Variants in DENND4C observed in about 807,000 individuals in gnomAD.
DENND4C encodes DENN domain-containing protein 4C.
A neutral mutation model predicts 203.0 loss-of-function variants in DENND4C; 108 were observed. That is an observed-to-expected ratio of 0.53 (90% CI 0.46 to 0.62). The LOEUF (loss-of-function observed/expected upper bound fraction) is 0.62, where lower values mean the gene tolerates loss of function less well. DENND4C is among the 20% of genes least tolerant of loss of function. The pLI is 0.00. For synonymous variants in DENND4C, 871 were observed against 792.4 expected, an observed-to-expected ratio of 1.10 and a Z score of -1.67; for missense variants, 2,481 against 2,301.2, an observed-to-expected ratio of 1.08 and a Z score of -1.60.
At chr9:19,257,959 G>T (rs1249451655) in intron 1 of DENND4C, among the ~76,000 whole-genome samples, 1 of 152,010 alleles carries the variant, frequency 6.6e-6, no homozygotes, top group Non-Finnish European at 1.5e-5. Flanking sequence ...CTCATCTCCA[G>T]AAAAATAAAT....
intron 30 of DENND4C, among the ~76,000 whole-genome samples, chr9:19,363,938 C>T (rs1196081323): frequency 9.2e-5 from 14 of 152,034 alleles, no homozygotes; most frequent in African/African-American, 2.7e-4. Flanking sequence ...TGCTTGGACC[C>T]GGGAAGCAGA....
chr9:19,265,084 C>G (rs181922408), intron 1 of DENND4C, among the ~76,000 whole-genome samples: 4 of 152,202 alleles, frequency 2.6e-5, no homozygotes, highest in East Asian at 1.9e-4. Context: ...GGCACAATTA[C>G]AGCCACTGCC....
intron 1 of DENND4C, among the ~76,000 whole-genome samples, chr9:19,272,416 A>G (rs1416525690): frequency 2.0e-5 from 3 of 151,548 alleles, no homozygotes; most frequent in Admixed American, 6.6e-5. Flanking sequence ...ACGAAACTCC[A>G]TCTCAAAAAA....
rs1292457572 is a variant in DENND4C at position 19,279,312 on chromosome 9, C to G, written c.305+2833C>G. 3.3e-5 allele frequency among the ~76,000 whole-genome samples: 5 copies of G among 150,818 alleles called. 1 individual carries two copies. The highest frequency in any genetic ancestry group is 1.3e-4 in the Admixed American group (2 of 15,098). On this transcript the variant is annotated intron_variant, in intron 2 of 32. Transcript: ENST00000434457. ...CCACTGCACTCCAGCCTCCCTAATC[C>G]CAACGCTTTGGGAGGCTGAGGTGGG...
chr9:19,341,851 G>A (rs1027434188), intron 21 of DENND4C, among the ~76,000 whole-genome samples: 10 of 152,226 alleles, frequency 6.6e-5, no homozygotes, highest in East Asian at 3.9e-4. Context: ...TGGGCTGGGC[G>A]TGGTGGCTCA....
intron 24 of DENND4C, among the ~76,000 whole-genome samples, chr9:19,351,437 C>A (rs962890411): frequency 2.6e-4 from 39 of 152,108 alleles, no homozygotes; most frequent in African/African-American, 9.2e-4. Flanking sequence ...TAGGATGTGT[C>A]ATTGAAGTTT....
chr9:19,325,798 G>T, intron 13 of DENND4C, 141 bp from the exon 14 acceptor site: 3 of 751,452 alleles, frequency 4.0e-6, no homozygotes, highest in Non-Finnish European at 6.6e-6. Flanking sequence ...TATGTATTCA[G>T]CCTAAAAATA....
intron 1 of DENND4C, among the ~76,000 whole-genome samples, chr9:19,251,761 T>TA (rs1826659414): frequency 6.6e-6 from 1 of 152,218 alleles, no homozygotes; most frequent in Admixed American, 6.5e-5. Flanking sequence ...GTCTGTTTGC[T>TA]AAAACGTAAC....
chr9:19,352,352 C>A, intron 25 of DENND4C, 138 bp from the exon 26 acceptor site: 1 of 1,022,710 alleles, frequency 9.8e-7, no homozygotes, highest in Non-Finnish European at 1.4e-6. Flanking sequence ...TGGTAGTTTA[C>A]CTGTGAAATA....
chr9:19,240,159 T>G (rs975763624), intron 1 of DENND4C, among the ~76,000 whole-genome samples: 5 of 152,116 alleles, frequency 3.3e-5, no homozygotes, highest in African/African-American at 1.2e-4. Context: ...AATGCATCAT[T>G]GGGCAATTTC....
chr9:19,335,167 TTTAG>T, intron 18 of DENND4C, 62 bp downstream of exon 18: 2 of 1,234,142 alleles, frequency 1.6e-6, no homozygotes, highest in Non-Finnish European at 2.1e-6. Flanking sequence ...TTTGTATACC[TTTAG>T]TTATTCATGA....
At chr9:19,244,070 G>A (rs951365169) in intron 1 of DENND4C, among the ~76,000 whole-genome samples, 8 of 151,788 alleles carry the variant, frequency 5.3e-5, no homozygotes, top group African/African-American at 1.9e-4. Flanking sequence ...TTACTCTGCC[G>A]CCCAGGCTGA....
intron 1 of DENND4C, among the ~76,000 whole-genome samples, chr9:19,241,019 T>C (rs941366693): frequency 6.6e-6 from 1 of 151,978 alleles, no homozygotes; most frequent in East Asian, 1.9e-4. Context: ...AGGACAGATA[T>C]GAAAGATAAA....
At position 19,358,268 on chromosome 9, in the gene DENND4C, ATAGAGTTT is replaced by A. The variant is rs1825801674; in HGVS notation, c.5160+110_5160+117del. 6.5e-6 allele frequency: 6 copies of A among 928,650 alleles called. No homozygotes were observed. Among genetic ancestry groups the A allele is most frequent in the Non-Finnish European group, 7.5e-6 (5 of 663,386 alleles). The allele number at this position is 928,650 out of a possible 1,614,324, so 57.5% of individuals were successfully genotyped here. On this transcript the variant is annotated intron_variant, in intron 28 of 32. Coordinates refer to ENST00000434457, the MANE Select transcript of DENND4C (RefSeq NM_001330640.2). This position sits in a 1 kb window ranked among gnomAD's most constrained non-coding sequence, Gnocchi z 4.8. The stretch of plus-strand genomic sequence containing the variant: ...ACTTATTTTAATTACATGAAAAGTG[ATAGAGTTT>A]TTCCATAAACAAATAACTTTTTATT...
At position 19,357,029 on chromosome 9, in the gene DENND4C, G is replaced by A. The variant is rs746649704; in HGVS notation, c.4839G>A (p.Leu1613=). The change falls in exon 27 of 33, where the codon TTG becomes TTA. Residue 1613 remains leucine (L), a synonymous_variant. Transcript: ENST00000434457. ...GTTTACAAAGTGGAAGCATTCCATTGGCAAATGAATCCTTGGAGCACAAAC... is the reference window on the plus strand; with the variant it reads ...GTTTACAAAGTGGAAGCATTCCATTAGCAAATGAATCCTTGGAGCACAAAC... ...GDSLQSGSIP[L]ANESLEHKPV... is the part of the protein sequence containing the mutation. 1.9e-5 allele frequency: 30 copies of A among 1,613,780 alleles called. No homozygotes were observed. The East Asian group carries it at 6.7e-4, about 36-fold the overall frequency.
intron 18 of DENND4C, 70 bp from the exon 19 acceptor site, chr9:19,336,200 C>T: frequency 7.2e-7 from 1 of 1,383,006 alleles, no homozygotes; most frequent in Non-Finnish European, 9.9e-7. Context: ...TACACACACA[C>T]ATATATGTAT....
chr9:19,263,369 T>C (rs1208946112), intron 1 of DENND4C, among the ~76,000 whole-genome samples: 3 of 152,182 alleles, frequency 2.0e-5, no homozygotes, highest in Non-Finnish European at 4.4e-5. Context: ...TTTATTTGTT[T>C]TTTTGAGACA....
chr9:19,347,389 C>T lies in DENND4C; in HGVS notation c.4317+303C>T, dbSNP rs542844244. Among the ~76,000 whole-genome samples, 3 of 152,268 alleles carry T rather than the reference C, an allele frequency of 2.0e-5. No individual in the cohort carries two copies. The East Asian group carries it at 5.8e-4, about 29-fold the overall frequency. The stretch of plus-strand genomic sequence containing the variant: ...CAGGTGATCCAACTGCATCAGCCTC[C>T]CAAAGTGCTGGGATTACAGGCATGA... On this transcript the variant is annotated intron_variant, in intron 23 of 32. Coordinates refer to ENST00000434457, the MANE Select transcript of DENND4C (RefSeq NM_001330640.2).
At chr9:19,281,650 A>G (rs1564115906) in intron 2 of DENND4C, among the ~76,000 whole-genome samples, 1 of 152,262 alleles carries the variant, frequency 6.6e-6, no homozygotes. Flanking sequence ...AATACCGTAT[A>G]TACTATAAAG....
Sources: gnomAD v4.1 joint callset for allele counts (sites outside exome capture counted in the v4.1 genomes callset) on GRCh38, gnomAD v4.1.1 for gene constraint, Gnocchi (gnomAD v3.1) non-coding constraint, MANE v1.5 for transcripts, NCBI Gene and HGNC (gene_info 2026-07-23, HGNC 2026-07-21) for gene names.